RNF216: variants seen among roughly 807,000 people sequenced by gnomAD.
The protein encoded by RNF216 is E3 ubiquitin-protein ligase RNF216.
A neutral mutation model predicts 110.8 loss-of-function variants in RNF216; 72 were observed. The observed-to-expected ratio is 0.65, with a 90% CI of 0.54 to 0.79. RNF216 has a LOEUF of 0.79. Among genes scored for constraint, RNF216 ranks in the 30% least tolerant of loss-of-function variants. The pLI, the probability that RNF216 is intolerant of heterozygous loss-of-function variation, is 0.00. For synonymous variants in RNF216, 495 were observed against 407.5 expected (o/e 1.21, Z -2.59); for missense variants, 1,342 against 1,141.2 (o/e 1.18, Z -2.54).
Position 5,624,124 on chromosome 7 carries a change from T to C in RNF216, c.2384A>G (p.Glu795Gly). The C allele has an allele frequency of 6.2e-7, 1 of 1,613,216 alleles. No homozygotes were observed. Among genetic ancestry groups the C allele is most frequent in the Non-Finnish European group, 8.5e-7 (1 of 1,179,814 alleles). ...SRCSLWTDPT[E>G]DDEKLIEEIQ... is the part of the protein sequence containing the mutation. Reference sequence around the variant, plus strand: ...TTCCTCAATAAGCTTCTCATCATCTTCCTAAAACGCAAGCAATGAGAAGGA... The same window carrying C: ...TTCCTCAATAAGCTTCTCATCATCTCCCTAAAACGCAAGCAATGAGAAGGA... Residue 795 changes from glutamate to glycine, a missense_variant and splice_region_variant, in exon 16 of 17, where the codon GAA (glutamate) becomes GGA (glycine). Glu to Gly is a moderately conservative substitution (Grantham distance 98). Coordinates refer to ENST00000389902, the MANE Select transcript of RNF216 (RefSeq NM_207111.4). The surrounding 1 kb of genome is among the most constrained non-coding windows in gnomAD (Gnocchi z 4.4).
At chr7:5,633,574 C>CA (rs1787209876) in intron 15 of RNF216, among the ~76,000 whole-genome samples, 1 of 151,982 alleles carries the variant, frequency 6.6e-6, no homozygotes, top group African/African-American at 2.4e-5. Flanking sequence ...GACTCCCTCT[C>CA]AAACAAAACA....
At chr7:5,767,755 T>G (rs953130575) in intron 1 of RNF216, among the ~76,000 whole-genome samples, 1 of 152,088 alleles carries the variant, frequency 6.6e-6, no homozygotes. Context: ...CACGCCACCA[T>G]GCCCAGCTAA....
intron 1 of RNF216, among the ~76,000 whole-genome samples, chr7:5,761,708 C>G (rs1278127821): frequency 6.6e-6 from 1 of 151,942 alleles, no homozygotes; most frequent in African/African-American, 2.4e-5. Context: ...ATCGCTTGAA[C>G]CCGGGAGGCT....
intron 5 of RNF216, among the ~76,000 whole-genome samples, chr7:5,737,703 T>G (rs1322046695): frequency 6.6e-6 from 1 of 152,142 alleles, no homozygotes; most frequent in African/African-American, 2.4e-5. Context: ...TTCTCAGCCT[T>G]GGCAGGGAAG....
intron 13 of RNF216, among the ~76,000 whole-genome samples, chr7:5,663,585 G>GAA (rs1789296375): frequency 1.2e-5 from 1 of 84,936 alleles, no homozygotes; most frequent in Non-Finnish European, 2.3e-5. Context: ...CTCCACCTCA[G>GAA]GAAAAAAAAA....
intron 13 of RNF216, among the ~76,000 whole-genome samples, chr7:5,707,299 T>A (rs1367744411): frequency 4.6e-5 from 7 of 152,344 alleles, no homozygotes; most frequent in South Asian, 2.1e-4. Flanking sequence ...TATGTCTTCT[T>A]TAATTATTTC....
intron 13 of RNF216, among the ~76,000 whole-genome samples, chr7:5,655,271 T>C (rs1164460422): frequency 6.6e-6 from 1 of 152,094 alleles, no homozygotes; most frequent in East Asian, 1.9e-4. Context: ...ACGTGTGGGT[T>C]TTCAGCCAGG....
intron 14 of RNF216, among the ~76,000 whole-genome samples, chr7:5,647,230 T>TA (rs1788103527): frequency 6.6e-6 from 1 of 152,042 alleles, no homozygotes; most frequent in African/African-American, 2.4e-5. Flanking sequence ...TTTTGTAATG[T>TA]CACTCCCTTG....
chr7:5,745,703 C>T (rs913094085), intron 3 of RNF216, among the ~76,000 whole-genome samples: 9 of 151,714 alleles, frequency 5.9e-5, no homozygotes, highest in African/African-American at 1.9e-4. Context: ...AGTTAGAGAC[C>T]AGCCTGACCA....
At chr7:5,679,658 G>C (rs1191596265) in intron 13 of RNF216, among the ~76,000 whole-genome samples, 2 of 152,192 alleles carry the variant, frequency 1.3e-5, no homozygotes, top group African/African-American at 4.8e-5. Flanking sequence ...CACTGAAATC[G>C]AGAGAATAGC....
intron 3 of RNF216, among the ~76,000 whole-genome samples, chr7:5,752,054 G>A (rs929407742): frequency 3.3e-5 from 5 of 151,802 alleles, no homozygotes; most frequent in African/African-American, 4.8e-5. Context: ...GCCTGGTGGC[G>A]GGCGCCTGTA....
intron 13 of RNF216, among the ~76,000 whole-genome samples, chr7:5,660,563 T>C (rs1265832798): frequency 6.6e-6 from 1 of 151,980 alleles, no homozygotes; most frequent in Non-Finnish European, 1.5e-5. Context: ...GTGGTGGGAT[T>C]ACAGGCATGG....
At chr7:5,695,206 G>C (rs1029969576) in intron 13 of RNF216, among the ~76,000 whole-genome samples, 2 of 152,154 alleles carry the variant, frequency 1.3e-5, no homozygotes, top group Non-Finnish European at 2.9e-5. Flanking sequence ...CCTGGGTCCG[G>C]CTTATAAATC....
intron 11 of RNF216, among the ~76,000 whole-genome samples, chr7:5,714,461 T>G (rs1350297816): frequency 6.6e-6 from 1 of 152,072 alleles, no homozygotes; most frequent in Non-Finnish European, 1.5e-5. Flanking sequence ...TTTCTCCATG[T>G]TGGTCAGGCT....
In RNF216 at chr7:5,730,743, C is replaced by T. The variant is rs1259704935; in HGVS notation, c.1196G>A (p.Ser399Asn). Reference sequence around the variant, plus strand: ...TGTCTCATCTTGGCTGGCCAGCAGACTGCTACTGGGATTTATAATGATTCT... The same window carrying T: ...TGTCTCATCTTGGCTGGCCAGCAGATTGCTACTGGGATTTATAATGATTCT... ...EDRIIINPSSSLLASQDETKL... is the reference protein window; with the variant it reads ...EDRIIINPSSNLLASQDETKL... The change falls in exon 6 of 17, where the codon AGT becomes AAT. Residue 399 changes from serine to asparagine, a missense_variant. Physicochemically the swap from Ser to Asn is conservative, Grantham distance 46 (BLOSUM62 1). Coordinates refer to ENST00000389902, the MANE Select transcript of RNF216 (RefSeq NM_207111.4). The T allele has an allele frequency of 1.2e-6, 2 of 1,609,600 alleles. No homozygotes were observed. Among genetic ancestry groups the T allele is most frequent in the Non-Finnish European group, 1.7e-6 (2 of 1,177,150 alleles).
chr7:5,725,547 A>G lies in RNF216; in HGVS notation c.1390-109T>C, dbSNP rs1234702043. 24 of 686,672 alleles carry G rather than the reference A, an allele frequency of 3.5e-5. No homozygotes were observed. The East Asian group carries it at 6.2e-4, about 18-fold the overall frequency. 42.5% of individuals were successfully genotyped at this position (686,672 alleles called of 1,614,324 possible). Reference sequence around the variant, plus strand: ...ACACAGTTTCAGCTGTCTACCCAGCATGGCTAACAATTGGTAGTGGCAGCT... The same window carrying G: ...ACACAGTTTCAGCTGTCTACCCAGCGTGGCTAACAATTGGTAGTGGCAGCT... On this transcript the variant is annotated intron_variant, in intron 7 of 16. Transcript: ENST00000389902.
At chr7:5,683,168 C>T (rs957803648) in intron 13 of RNF216, among the ~76,000 whole-genome samples, 3 of 152,060 alleles carry the variant, frequency 2.0e-5, no homozygotes, top group African/African-American at 7.2e-5. Context: ...AGACCACAAG[C>T]TAGAAATGCA....
intron 13 of RNF216, among the ~76,000 whole-genome samples, chr7:5,704,242 T>G (rs1792146142): frequency 6.6e-6 from 1 of 152,220 alleles, no homozygotes; most frequent in South Asian, 2.1e-4. Flanking sequence ...TAATGCCGTA[T>G]TAATATAAAC....
At chr7:5,742,808 C>T (rs995047362) in intron 3 of RNF216, among the ~76,000 whole-genome samples, 4 of 151,884 alleles carry the variant, frequency 2.6e-5, no homozygotes, top group African/African-American at 9.7e-5. Flanking sequence ...GTTGGCCAGG[C>T]TGGTCTTGAA....
Sources: allele counts gnomAD v4.1 joint callset (sites outside exome capture counted in the v4.1 genomes callset), GRCh38; gene constraint gnomAD v4.1.1; non-coding constraint Gnocchi (gnomAD v3.1); transcripts MANE v1.5; gene names NCBI Gene and HGNC (gene_info 2026-07-23, HGNC 2026-07-21).